MYO1D: variants seen among roughly 807,000 people sequenced by gnomAD.
MYO1D encodes the protein myosin ID.
A neutral mutation model predicts 122.0 loss-of-function variants in MYO1D; 83 were observed. That is an observed-to-expected ratio of 0.68 (90% confidence interval 0.57 to 0.82). MYO1D has a LOEUF of 0.82. Ranked by LOEUF, MYO1D falls within the 40% of genes least tolerant of loss-of-function variation. The pLI is 0.00. For missense variants in MYO1D, 1,157 were observed against 1,269.5 expected (o/e 0.91, Z 1.35); for synonymous variants, 464 against 446.9 (o/e 1.04, Z -0.48).
At chr17:32,847,874 T>A (rs1323065821) in intron 1 of MYO1D, among the ~76,000 whole-genome samples, 2 of 152,178 alleles carry the variant, frequency 1.3e-5, no homozygotes, top group Non-Finnish European at 2.9e-5. Flanking sequence ...AGCTTAATAT[T>A]GTCCTCAGCA....
At chr17:32,505,501 C>G (rs994598566) in intron 21 of MYO1D, 2 of 152,186 alleles carry the variant, frequency 1.3e-5, no homozygotes, top group African/African-American at 2.4e-5. Context: ...CCAGCCTGAA[C>G]AGGAGTCACG....
At chr17:32,615,814 T>C (rs148215042) in intron 20 of MYO1D, among the ~76,000 whole-genome samples, 2 of 152,158 alleles carry the variant, frequency 1.3e-5, no homozygotes, top group Middle Eastern at 3.2e-3. Flanking sequence ...ATCTTAAGGG[T>C]CTTGTCCCAC....
At chr17:32,712,467 G>T (rs2089390708) in intron 15 of MYO1D, among the ~76,000 whole-genome samples, 2 of 152,076 alleles carry the variant, frequency 1.3e-5, no homozygotes, top group Admixed American at 1.3e-4. Context: ...GTTCATAAAG[G>T]GGTAACCTTA....
At chr17:32,652,581 T>C (rs1484243978) in intron 19 of MYO1D, among the ~76,000 whole-genome samples, 1 of 152,206 alleles carries the variant, frequency 6.6e-6, no homozygotes, top group Non-Finnish European at 1.5e-5. Context: ...ACTCTTTTAA[T>C]GATAATTTCA....
chr17:32,755,179 AG>A (rs1461681059), intron 11 of MYO1D, among the ~76,000 whole-genome samples: 1 of 152,228 alleles, frequency 6.6e-6, no homozygotes, highest in Admixed American at 6.5e-5. Flanking sequence ...CACATGAGCA[AG>A]GACTCTACAT....
intron 21 of MYO1D, among the ~76,000 whole-genome samples, chr17:32,550,687 A>C (rs1212469528): frequency 6.6e-6 from 1 of 152,204 alleles, no homozygotes; most frequent in East Asian, 1.9e-4. Flanking sequence ...ATAGCCTATA[A>C]TAATAGAAAT....
chr17:32,561,902 C>G (rs1334576955), intron 21 of MYO1D, among the ~76,000 whole-genome samples: 1 of 151,936 alleles, frequency 6.6e-6, no homozygotes, highest in Non-Finnish European at 1.5e-5. Flanking sequence ...GCAATATGTC[C>G]TCATTGAAGT....
At chr17:32,860,848 T>C (rs1297093672) in intron 1 of MYO1D, among the ~76,000 whole-genome samples, 3 of 152,206 alleles carry the variant, frequency 2.0e-5, no homozygotes, top group Non-Finnish European at 4.4e-5. Context: ...TAAAATTCTA[T>C]GACTCAAGAG....
intron 20 of MYO1D, among the ~76,000 whole-genome samples, 195 bp downstream of exon 20, chr17:32,638,527 T>A (rs188612939): frequency 2.4e-4 from 37 of 152,338 alleles, no homozygotes; most frequent in Non-Finnish European, 4.4e-4. Context: ...AAAAAATGTC[T>A]GCATTTATCT....
chr17:32,759,908 G>T, intron 10 of MYO1D: 1 of 523,372 alleles, frequency 1.9e-6, no homozygotes, highest in Non-Finnish European at 3.4e-6. Flanking sequence ...CAAAGTAGAA[G>T]AGGAGAAAAA....
At chr17:32,668,705 CTTT>C (rs528450969) in intron 16 of MYO1D, among the ~76,000 whole-genome samples, 4 of 141,832 alleles carry the variant, frequency 2.8e-5, no homozygotes, top group African/African-American at 5.2e-5. Flanking sequence ...ATTTCTTTTT[CTTT>C]TTTTTTTTTT....
intron 1 of MYO1D, among the ~76,000 whole-genome samples, chr17:32,843,296 C>G (rs2090901830): frequency 6.6e-6 from 1 of 152,116 alleles, no homozygotes; most frequent in South Asian, 2.1e-4. Flanking sequence ...ACTTAAAGTA[C>G]ACAGCCAGCC....
chr17:32,537,883 G>T (rs931589933), intron 21 of MYO1D, among the ~76,000 whole-genome samples: 1 of 152,180 alleles, frequency 6.6e-6, no homozygotes, highest in Non-Finnish European at 1.5e-5. Context: ...GTTGTCAAAA[G>T]TTCAGAGAGG....
intron 21 of MYO1D, among the ~76,000 whole-genome samples, chr17:32,557,762 G>T (rs1326344036): frequency 6.6e-6 from 1 of 151,970 alleles, no homozygotes; most frequent in African/African-American, 2.4e-5. Context: ...AGGTCATACA[G>T]TCTGCACTGT....
chr17:32,674,161 G>C (rs758012949), intron 16 of MYO1D, among the ~76,000 whole-genome samples: 38 of 152,162 alleles, frequency 2.5e-4, no homozygotes, highest in Non-Finnish European at 4.1e-4. Flanking sequence ...GGCACTGTGT[G>C]GGGGTGGAGT....
At chr17:32,800,683 C>T (rs2151042874) in intron 1 of MYO1D, among the ~76,000 whole-genome samples, 1 of 152,060 alleles carries the variant, frequency 6.6e-6, no homozygotes, top group Middle Eastern at 3.4e-3. Context: ...GCTAAAGGAG[C>T]TATTTGTTTT....
intron 20 of MYO1D, among the ~76,000 whole-genome samples, chr17:32,626,794 T>C (rs985635550): frequency 3.3e-5 from 5 of 152,160 alleles, no homozygotes; most frequent in Admixed American, 3.3e-4. Context: ...TTCTCTCTTA[T>C]TAACAAAAAA....
intron 14 of MYO1D, among the ~76,000 whole-genome samples, chr17:32,737,586 C>A (rs890383049): frequency 5.9e-5 from 9 of 152,030 alleles, no homozygotes; most frequent in Non-Finnish European, 1.3e-4. Flanking sequence ...CTCCAGTGAT[C>A]CTCCCGCCTC....
Position 32,780,667 on chromosome 17 carries a change from C to CA in MYO1D, c.212dup (p.Tyr72ValfsTer2). ...CAAAAAGGTGAGGCGGTCTCTCATACAGCTCACGGCCTTTATACTGCTCAA... is the reference window on the plus strand; with the variant it reads ...CAAAAAGGTGAGGCGGTCTCTCATACAAGCTCACGGCCTTTATACTGCTCAA... On this transcript the variant is annotated frameshift_variant, in exon 2 of 22. Transcript: ENST00000318217. LOFTEE classifies it high-confidence loss of function. 6.2e-7 allele frequency: 1 copy of CA among 1,614,170 alleles called. No homozygotes were observed. The highest frequency in any genetic ancestry group is 1.1e-5 in the South Asian group (1 of 91,084).
Sources: gnomAD v4.1 joint callset for allele counts (sites outside exome capture counted in the v4.1 genomes callset) on GRCh38, gnomAD v4.1.1 for gene constraint, MANE v1.5 for transcripts, NCBI Gene and HGNC (gene_info 2026-07-23, HGNC 2026-07-21) for gene names.